The following CNKSR3 variants were observed in gnomAD, a reference collection of about 807,000 sequenced individuals.
CNKSR3 encodes CNKSR family member 3, also known as connector enhancer of kinase suppressor of ras 3.
Under a neutral mutation model 67.7 loss-of-function variants are expected in CNKSR3, and 36 were observed. That is an observed-to-expected ratio of 0.53 (90% CI 0.41 to 0.70). CNKSR3 has a LOEUF of 0.70. Among genes scored for constraint, CNKSR3 ranks in the 30% least tolerant of loss-of-function variants. The pLI, the probability that CNKSR3 is intolerant of heterozygous loss-of-function variation, is 0.00. For synonymous variants in CNKSR3, 281 were observed against 271.4 expected (o/e 1.04, Z -0.35); for missense variants, 630 against 695.2 (o/e 0.91, Z 1.05).
intron 11 of CNKSR3, 79 bp from the exon 12 acceptor site, chr6:154,410,511 T>A: frequency 1.1e-6 from 1 of 913,592 alleles, no homozygotes; most frequent in East Asian, 2.4e-5. Flanking sequence ...ATGTATAACT[T>A]AGACCTCACA....
chr6:154,405,506 G>A lies in CNKSR3; in HGVS notation c.*848C>T, dbSNP rs1322590283. 6.6e-6 allele frequency: 1 copy of A among 152,288 alleles called. No individual in the cohort carries two copies. The highest frequency in any genetic ancestry group is 2.4e-5 in the African/African-American group (1 of 41,456). 9.4% of individuals were successfully genotyped at this position (152,288 alleles called of 1,614,324 possible). ...TTAGCAAACTGTGTACAATTTTGAAGAAGTGTACACACCGTGCTGGAAGAC... is the reference window on the plus strand; with the variant it reads ...TTAGCAAACTGTGTACAATTTTGAAAAAGTGTACACACCGTGCTGGAAGAC... On this transcript the variant is annotated 3_prime_UTR_variant, in exon 13 of 13. Transcript: ENST00000607772.
intron 12 of CNKSR3, among the ~76,000 whole-genome samples, chr6:154,409,738 T>TA (rs1784869164): frequency 6.6e-6 from 1 of 152,090 alleles, no homozygotes; most frequent in Non-Finnish European, 1.5e-5. Context: ...AATTTATTTC[T>TA]ATTCATTAAA....
At chr6:154,420,498 G>A (rs1415317210) in intron 9 of CNKSR3, among the ~76,000 whole-genome samples, 1 of 151,642 alleles carries the variant, frequency 6.6e-6, no homozygotes, top group Admixed American at 6.6e-5. Flanking sequence ...GACCATCCCG[G>A]CTAAAACGGT....
chr6:154,485,242 T>C (rs539791756), intron 1 of CNKSR3, among the ~76,000 whole-genome samples: 12 of 152,338 alleles, frequency 7.9e-5, no homozygotes, highest in African/African-American at 2.6e-4. Flanking sequence ...CTTACAAATA[T>C]CTTTTGAAAA....
At chr6:154,486,991 G>A (rs1341957178) in intron 1 of CNKSR3, among the ~76,000 whole-genome samples, 5 of 151,502 alleles carry the variant, frequency 3.3e-5, no homozygotes, top group Non-Finnish European at 7.4e-5. Flanking sequence ...TTTTTGCGGG[G>A]GCAGGTGGTG....
chr6:154,455,888 A>C (rs1454741450), intron 1 of CNKSR3, among the ~76,000 whole-genome samples: 1 of 152,180 alleles, frequency 6.6e-6, no homozygotes, highest in Non-Finnish European at 1.5e-5. Context: ...TCAGTCTTTG[A>C]CAAGATACCT....
chr6:154,411,151 T>C lies in CNKSR3; in HGVS notation c.1071-9A>G. 1 of 1,586,312 alleles carries C rather than the reference T, an allele frequency of 6.3e-7. No homozygotes were observed. The highest frequency in any genetic ancestry group is 8.6e-7 in the Non-Finnish European group (1 of 1,156,546). ...AACTGCCATTCTCATCCCTGGAAGA[T>C]AATATGGACAATAATTAAGTTGTTT... On this transcript the variant is annotated splice_polypyrimidine_tract_variant and intron_variant, in intron 10 of 12. Coordinates refer to ENST00000607772, the MANE Select transcript of CNKSR3 (RefSeq NM_173515.4).
intron 1 of CNKSR3, among the ~76,000 whole-genome samples, chr6:154,487,704 C>A (rs1339323541): frequency 6.6e-6 from 1 of 152,176 alleles, no homozygotes; most frequent in African/African-American, 2.4e-5. Flanking sequence ...CTATTGCAGG[C>A]AATTAACTAC....
chr6:154,449,809 G>A (rs1318135691), intron 2 of CNKSR3, among the ~76,000 whole-genome samples: 1 of 152,224 alleles, frequency 6.6e-6, no homozygotes, highest in Non-Finnish European at 1.5e-5. Flanking sequence ...ACTGTCGCAA[G>A]AAAGCAGTCA....
At position 154,482,070 on chromosome 6, in the gene CNKSR3, C is replaced by CAAAG. The variant is rs1786578283; in HGVS notation, c.52+27989_52+27992dup. Among the ~76,000 whole-genome samples, 3 of 152,178 alleles carry CAAAG rather than the reference C, an allele frequency of 2.0e-5. No individual in the cohort carries two copies. In the South Asian group the frequency reaches 6.2e-4, roughly 32 times the overall value. On this transcript the variant is annotated intron_variant, in intron 1 of 12. Transcript: ENST00000607772. ...TGTCCTACTTCTCGGCACTAAAATT[C>CAAAG]AAAGAAGTTACCTTGCCCTTTGGGT...
At chr6:154,449,868 T>G (rs1157405038) in intron 2 of CNKSR3, among the ~76,000 whole-genome samples, 1 of 152,212 alleles carries the variant, frequency 6.6e-6, no homozygotes, top group African/African-American at 2.4e-5. Context: ...AAACTTTATT[T>G]ACAAAAATAG....
At position 154,422,573 on chromosome 6, in the gene CNKSR3, G is replaced by A. The variant is rs772261268; in HGVS notation, c.878C>T (p.Pro293Leu). 8.1e-6 allele frequency: 13 copies of A among 1,613,860 alleles called. No individual in the cohort carries two copies. In the Admixed American group the frequency reaches 1.8e-4, roughly 23 times the overall value. Reference protein sequence around the residue: ...TGVVLLLKKRPTGSFNFTPAP... With the variant: ...TGVVLLLKKRLTGSFNFTPAP... ...AGGAGTAAAGTTGAAAGACCCGGTG[G>A]GGCGCTTCTTAAGCAGTAACACAAC... Residue 293 changes from proline (P) to leucine (L), a missense_variant, in exon 9 of 13, where the codon CCC (proline) becomes CTC (leucine). Physicochemically the swap from Pro to Leu is moderately conservative, Grantham distance 98. Around this residue, in one of 3 missense-constraint regions of CNKSR3, gnomAD observed 133 missense variants for 190.6 expected, o/e 0.70. Coordinates refer to ENST00000607772, the MANE Select transcript of CNKSR3 (RefSeq NM_173515.4).
intron 12 of CNKSR3, among the ~76,000 whole-genome samples, chr6:154,409,026 C>T (rs565703528): frequency 7.9e-4 from 120 of 152,266 alleles, no homozygotes; most frequent in South Asian, 7.3e-3. Context: ...AAACAACGGA[C>T]AGCCCTGCCA....
At chr6:154,410,306 C>T (rs748156650) in intron 12 of CNKSR3, 37 bp downstream of exon 12, 1 of 1,470,886 alleles carries the variant, frequency 6.8e-7, no homozygotes, top group Non-Finnish European at 9.5e-7. Flanking sequence ...GTTCACTCCC[C>T]ATTTGCTGTT....
intron 7 of CNKSR3, among the ~76,000 whole-genome samples, chr6:154,425,528 T>C (rs1027179302): frequency 6.6e-6 from 1 of 152,190 alleles, no homozygotes; most frequent in Non-Finnish European, 1.5e-5. Context: ...GGTCATGACC[T>C]AGAGAATAAT....
chr6:154,429,069 C>T (rs1785311446), intron 6 of CNKSR3, among the ~76,000 whole-genome samples: 2 of 152,162 alleles, frequency 1.3e-5, no homozygotes, highest in African/African-American at 4.8e-5. Flanking sequence ...AACTCAGAGG[C>T]CAATGCCTCA....
intron 3 of CNKSR3, among the ~76,000 whole-genome samples, chr6:154,441,751 C>CA (rs377116331): frequency 0.021 from 3,068 of 149,286 alleles, 142 homozygotes; most frequent in East Asian, 0.19. Context: ...AAAAACAAAA[C>CA]AAAACAAAAA....
chr6:154,497,782 G>A (rs544120179), intron 1 of CNKSR3, among the ~76,000 whole-genome samples: 4 of 150,710 alleles, frequency 2.7e-5, no homozygotes, highest in African/African-American at 9.9e-5. Context: ...TTTGGGGTGA[G>A]TGCCATTCTG....
chr6:154,432,592 A>C (rs1785391948), intron 5 of CNKSR3, among the ~76,000 whole-genome samples: 1 of 152,184 alleles, frequency 6.6e-6, no homozygotes, highest in African/African-American at 2.4e-5. Flanking sequence ...CTCATTGCAA[A>C]ACACAGTCAC....
Sources: gnomAD v4.1 joint callset for allele counts (sites outside exome capture counted in the v4.1 genomes callset) on GRCh38, gnomAD v4.1.1 for gene constraint, gnomAD v4.1.1 regional missense constraint, MANE v1.5 for transcripts, NCBI Gene and HGNC (gene_info 2026-07-23, HGNC 2026-07-21) for gene names.